The following GSTM4 variants were observed in gnomAD, a reference collection of about 807,000 sequenced individuals.
The protein encoded by GSTM4 is glutathione S-transferase mu 4.
A neutral mutation model predicts 30.1 loss-of-function variants in GSTM4; 27 were observed. That is an observed-to-expected ratio of 0.90 (90% CI 0.66 to 1.24). The LOEUF (loss-of-function observed/expected upper bound fraction) is 1.24, where lower values mean the gene tolerates loss of function less well. Among genes scored for constraint, GSTM4 ranks in the 50% most tolerant of loss-of-function variants. The pLI is 0.00. For synonymous variants in GSTM4, 94 were observed against 96.2 expected, an observed-to-expected ratio of 0.98 and a Z score of 0.13; for missense variants, 238 against 272.1, an observed-to-expected ratio of 0.87 and a Z score of 0.88.
rs1036317849 is a variant in GSTM4 at position 109,656,420 on chromosome 1, C to T, written c.31C>T (p.Arg11Cys). 9 of 1,613,868 alleles carry T rather than the reference C, an allele frequency of 5.6e-6. No individual in the cohort carries two copies. The highest frequency in any genetic ancestry group is 7.6e-6 in the Non-Finnish European group (9 of 1,179,910). MSMTLGYWDIRGLAHAIRLLL... is the reference protein window; with the variant it reads MSMTLGYWDICGLAHAIRLLL... ...CATGACACTGGGGTACTGGGACATC[C>T]GCGGGGTGAGTGAGGGTCCGCTGCA... The change falls in exon 1 of 8, where the codon CGC becomes TGC. Residue 11 changes from arginine (R) to cysteine (C), a missense_variant. Coordinates refer to ENST00000369836, the MANE Select transcript of GSTM4 (RefSeq NM_000850.5).
chr1:109,659,386 T>C, intron 7 of GSTM4: 2 of 1,459,960 alleles, frequency 1.4e-6, no homozygotes, highest in Middle Eastern at 2.0e-4. Context: ...CAGTGGAGGC[T>C]GTGCTGGGCT....
Position 109,656,778 on chromosome 1 carries a change from A to G in GSTM4, c.103A>G (p.Met35Val). Residue 35 changes from methionine (M) to valine (V), a missense_variant, in exon 2 of 8, where the codon ATG becomes GTG. Physicochemically the swap from Met to Val is conservative, Grantham distance 21. Coordinates refer to ENST00000369836, the MANE Select transcript of GSTM4 (RefSeq NM_000850.5). ...AAGCTACGAGGAAAAGAAGTATACG[A>G]TGGGGGACGGTAATGACACCCTTGT... is the stretch of plus-strand genomic sequence containing the variant. The part of the protein sequence containing the change: ...DSSYEEKKYT[M>V]GDAPDYDRSQ... The G allele has an allele frequency of 6.2e-7, 1 of 1,613,668 alleles. No homozygotes were observed. Among genetic ancestry groups the G allele is most frequent in the Non-Finnish European group, 8.5e-7 (1 of 1,179,670 alleles).
chr1:109,659,148 G>A (rs1382491063), intron 7 of GSTM4, 38 bp downstream of exon 7: 1 of 1,614,184 alleles, frequency 6.2e-7, no homozygotes, highest in Admixed American at 1.7e-5. Flanking sequence ...GATGCCCCTT[G>A]TTCCGTTACC....
Position 109,656,707 on chromosome 1 carries a change from T to C in GSTM4, c.37-5T>C, listed in dbSNP as rs200130775. On this transcript the variant is annotated splice_polypyrimidine_tract_variant and splice_region_variant and intron_variant, in intron 1 of 7. Coordinates refer to ENST00000369836, the MANE Select transcript of GSTM4 (RefSeq NM_000850.5). ...CTGACACGACCTGCGGGCCATCTCTTCCAGCTGGCCCACGCCATCCGCCTG... is the reference window on the plus strand; with the variant it reads ...CTGACACGACCTGCGGGCCATCTCTCCCAGCTGGCCCACGCCATCCGCCTG... 1.9e-6 allele frequency: 3 copies of C among 1,613,244 alleles called. No homozygotes were observed. The highest frequency in any genetic ancestry group is 1.7e-5 in the Admixed American group (1 of 59,986).
At chr1:109,662,013 A>C (rs1187445010), downstream of GSTM4, among the ~76,000 whole-genome samples, 2 of 152,024 alleles carry the variant, frequency 1.3e-5, no homozygotes, top group Middle Eastern at 3.2e-3. Context: ...ATTTTTGTAG[A>C]GATGTGTCTC....
chr1:109,657,381 C>A, intron 3 of GSTM4, 102 bp downstream of exon 3: 1 of 1,503,064 alleles, frequency 6.7e-7, no homozygotes, highest in Non-Finnish European at 9.3e-7. Flanking sequence ...AGTCTTCTGC[C>A]CAATTCCTCT....
At chr1:109,666,093 G>A (rs1484247420), downstream of GSTM4, among the ~76,000 whole-genome samples, 1 of 152,138 alleles carries the variant, frequency 6.6e-6, no homozygotes, top group East Asian at 1.9e-4. Flanking sequence ...AATTTGACTT[G>A]TTATTACTTT....
chr1:109,665,210 A>G (rs1647277333), downstream of GSTM4: 1 of 646,202 alleles, frequency 1.5e-6, no homozygotes, highest in African/African-American at 1.8e-5. Context: ...GAGAAGAAAA[A>G]GACAGGAAGG....
chr1:109,656,883 C>T lies in GSTM4; in HGVS notation c.112+96C>T, dbSNP rs755024658. 4 of 1,219,608 alleles carry T rather than the reference C, an allele frequency of 3.3e-6. No homozygotes were observed. In the Admixed American group the frequency reaches 6.7e-5, roughly 21 times the overall value. The allele number at this position is 1,219,608 out of a possible 1,614,324, so 75.5% of individuals were successfully genotyped here. A position where few individuals can be genotyped will look rare whatever the true frequency, so the allele number is the denominator to read the frequency against. On this transcript the variant is annotated intron_variant, in intron 2 of 7. Coordinates refer to ENST00000369836, the MANE Select transcript of GSTM4 (RefSeq NM_000850.5). ...CCTGTGGCTACCTCTGCAGGCCTCCCCTGCTGGAGCTGCAGGCTGTCCCTT... is the reference window on the plus strand; with the variant it reads ...CCTGTGGCTACCTCTGCAGGCCTCCTCTGCTGGAGCTGCAGGCTGTCCCTT...
At chr1:109,666,195 A>G (rs1647314383), downstream of GSTM4, among the ~76,000 whole-genome samples, 2 of 151,952 alleles carry the variant, frequency 1.3e-5, no homozygotes, top group African/African-American at 4.8e-5. Context: ...GGCTCCAATG[A>G]TCCTCCCACC....
chr1:109,658,122 C>T (rs1652121768), intron 5 of GSTM4, among the ~76,000 whole-genome samples: 1 of 152,226 alleles, frequency 6.6e-6, no homozygotes, highest in African/African-American at 2.4e-5. Flanking sequence ...ATTCCCTTCA[C>T]CTCTGACCCC....
At chr1:109,657,958 T>G in intron 5 of GSTM4, 86 bp downstream of exon 5, 1 of 1,120,502 alleles carries the variant, frequency 8.9e-7, no homozygotes, top group South Asian at 1.3e-5. Flanking sequence ...TCCTCACTGC[T>G]ATTGATCCTC....
In GSTM4 at chr1:109,656,737, T is replaced by G; in HGVS notation, c.62T>G (p.Leu21Arg). Residue 21 changes from leucine (L) to arginine (R), a missense_variant, in exon 2 of 8, where the codon CTG (leucine) becomes CGG (arginine). Physicochemically the swap from Leu to Arg is moderately radical, Grantham distance 102 (BLOSUM62 -2). Transcript: ENST00000369836. ...CTGGCCCACGCCATCCGCCTGCTCC[T>G]GGAATACACAGACTCAAGCTACGAG... ...RGLAHAIRLL[L>R]EYTDSSYEEK... is the part of the protein sequence containing the mutation. 1.2e-6 allele frequency: 2 copies of G among 1,614,040 alleles called. No individual in the cohort carries two copies. Among genetic ancestry groups the G allele is most frequent in the Non-Finnish European group, 1.7e-6 (2 of 1,179,968 alleles).
rs1010167 is a variant in GSTM4 at position 109,656,105 on chromosome 1, C to G, written c.-285C>G. 177,213 of 430,534 alleles carry G rather than the reference C, an allele frequency of 0.41. 38,690 individuals are homozygous for G. Among genetic ancestry groups the G allele is most frequent in the East Asian group, 0.69 (14,159 of 20,462 alleles). 26.7% of individuals were successfully genotyped at this position (430,534 alleles called of 1,614,324 possible). On this transcript the variant is annotated 5_prime_UTR_variant, in exon 1 of 8. Transcript: ENST00000369836. The stretch of plus-strand genomic sequence containing the variant: ...TGGCGAGGCCGAGCCCCTCCTAGTG[C>G]TTCCGGACCTTGCTCCCTGAACACT...
downstream of GSTM4, among the ~76,000 whole-genome samples, chr1:109,662,380 C>T (rs1286621989): frequency 2.0e-5 from 3 of 152,216 alleles, no homozygotes; most frequent in Admixed American, 1.3e-4. Flanking sequence ...TCCATCACAG[C>T]TTAGATCTCT....
At chr1:109,665,105 G>A, downstream of GSTM4, 1 of 937,074 alleles carries the variant, frequency 1.1e-6, no homozygotes, top group Admixed American at 1.7e-5. Flanking sequence ...GTGCTTGTGA[G>A]GGTGTTTCCA....
downstream of GSTM4, chr1:109,661,841 G>T (rs887970241): frequency 3.0e-5 from 11 of 368,730 alleles, no homozygotes; most frequent in Non-Finnish European, 4.2e-5. Flanking sequence ...TTCCAACTTT[G>T]TTTTTTTTTT....
rs761430027 is a variant in GSTM4 at position 109,661,161 on chromosome 1, T to C, written c.568-4T>C. 2.0e-5 allele frequency: 32 copies of C among 1,612,740 alleles called. No individual in the cohort carries two copies. Among genetic ancestry groups the C allele is most frequent in the Non-Finnish European group, 2.3e-5 (27 of 1,179,648 alleles). ...AGTTCTGGCCTTATTTTCCCCCCTC[T>C]CAGGGCTTGGAGAAGATCTCTGCCT... On this transcript the variant is annotated splice_polypyrimidine_tract_variant and splice_region_variant and intron_variant, in intron 7 of 7. Coordinates refer to ENST00000369836, the MANE Select transcript of GSTM4 (RefSeq NM_000850.5).
At chr1:109,659,542 T>C in intron 7 of GSTM4, 1 of 532,674 alleles carries the variant, frequency 1.9e-6, no homozygotes, top group South Asian at 2.2e-5. Flanking sequence ...TGGATGCAGC[T>C]GGCAATAGTA....
Sources: gnomAD v4.1 joint callset for allele counts (sites outside exome capture counted in the v4.1 genomes callset) on GRCh38, gnomAD v4.1.1 for gene constraint, MANE v1.5 for transcripts, NCBI Gene and HGNC (gene_info 2026-07-23, HGNC 2026-07-21) for gene names.